Variants in RORB observed in about 807,000 individuals in gnomAD.
RORB encodes nuclear receptor ROR-beta.
In RORB, 6 loss-of-function variants were observed where a neutral mutation model predicts 59.1. That is an observed-to-expected ratio of 0.10 (90% CI 0.06 to 0.20). The LOEUF is 0.20. Among genes scored for constraint, RORB ranks in the 10% least tolerant of loss-of-function variants. The pLI, the probability that RORB is intolerant of heterozygous loss-of-function variation, is 1.00. For missense variants in RORB, 320 were observed against 560.5 expected (o/e 0.57, Z 4.33); for synonymous variants, 215 against 204.5 (o/e 1.05, Z -0.44).
intron 1 of RORB, among the ~76,000 whole-genome samples, chr9:74,554,573 AC>A (rs1008717038): frequency 1.0e-5 from 1 of 98,366 alleles, no homozygotes; most frequent in Admixed American, 1.0e-4. Context: ...AATTTGAATA[AC>A]TTAAAAAAAA....
chr9:74,511,239 G>A lies in RORB; in HGVS notation c.7+13256G>A, dbSNP rs140838870. On this transcript the variant is annotated intron_variant, in intron 1 of 9. Transcript: ENST00000376896. ...CTTAATCATTTATTTTAGGTACTGG[G>A]GATAAAATGGTAAGCAAAAAAGACA... Among the ~76,000 whole-genome samples the A allele has an allele frequency of 7.3e-4, 111 of 151,686 alleles. 1 individual carries two copies. The highest frequency in any genetic ancestry group is 3.6e-3 in the Admixed American group (55 of 15,220).
chr9:74,667,596 G>T (rs1824287272), intron 7 of RORB, among the ~76,000 whole-genome samples, 195 bp from the exon 8 acceptor site: 1 of 152,110 alleles, frequency 6.6e-6, no homozygotes, highest in South Asian at 2.1e-4. Flanking sequence ...GGATTGCCTG[G>T]CCAAGATGTT....
intron 9 of RORB, among the ~76,000 whole-genome samples, chr9:74,675,328 T>C (rs1009903429): frequency 7.3e-5 from 11 of 150,054 alleles, no homozygotes; most frequent in Non-Finnish European, 1.5e-4. Context: ...CATATATATA[T>C]ATATAAAATA....
At chr9:74,602,994 A>T (rs1303202951) in intron 1 of RORB, among the ~76,000 whole-genome samples, 2 of 152,186 alleles carry the variant, frequency 1.3e-5, no homozygotes, top group African/African-American at 2.4e-5. Context: ...GGCATTTAGT[A>T]TGCATTTGGT....
intron 1 of RORB, among the ~76,000 whole-genome samples, chr9:74,620,018 C>T (rs960064167): frequency 6.6e-6 from 1 of 152,132 alleles, no homozygotes; most frequent in Non-Finnish European, 1.5e-5. Flanking sequence ...TTTGCTGTGT[C>T]TCTGCCAGGC....
At chr9:74,685,042 A>G (rs527835290) in intron 9 of RORB, among the ~76,000 whole-genome samples, 1 of 152,308 alleles carries the variant, frequency 6.6e-6, no homozygotes, top group East Asian at 1.9e-4. Flanking sequence ...CAACAACCCA[A>G]TGAAGTAGGT....
intron 1 of RORB, chr9:74,615,539 T>G: frequency 2.3e-6 from 1 of 441,012 alleles, no homozygotes; most frequent in South Asian, 1.6e-5. Context: ...GGGGCAGTCT[T>G]CAGACCTCCC....
chr9:74,549,886 G>C (rs1344163692), intron 1 of RORB, among the ~76,000 whole-genome samples: 3 of 151,890 alleles, frequency 2.0e-5, no homozygotes, highest in African/African-American at 7.3e-5. Context: ...GTGCCACTAC[G>C]CCCGGCTAAT....
intron 1 of RORB, among the ~76,000 whole-genome samples, chr9:74,556,818 G>A (rs530946085): frequency 1.3e-5 from 2 of 152,028 alleles, no homozygotes; most frequent in Non-Finnish European, 2.9e-5. Flanking sequence ...GAGCTGAATG[G>A]GGCCATAGAA....
intron 1 of RORB, among the ~76,000 whole-genome samples, chr9:74,595,213 C>T (rs1047588694): frequency 6.6e-5 from 10 of 152,282 alleles, no homozygotes; most frequent in African/African-American, 2.2e-4. Context: ...TGATGATCAT[C>T]CTGTCAATGG....
rs1047538724 is a variant in RORB, at chr9:74,675,983, G to A, written c.1224+4082G>A. Among the ~76,000 whole-genome samples the A allele has an allele frequency of 1.3e-5, 2 of 152,200 alleles. 1 individual carries two copies. Among genetic ancestry groups the A allele is most frequent in the South Asian group, 4.1e-4 (2 of 4,828 alleles). On this transcript the variant is annotated intron_variant, in intron 9 of 9. Transcript: ENST00000376896. ...GGGCTTTCTCTATTAAAGTCACTGA[G>A]TCTGCCATTCTTGTTGCCCTGACCA...
At chr9:74,511,541 T>C (rs1210933866) in intron 1 of RORB, among the ~76,000 whole-genome samples, 1 of 150,942 alleles carries the variant, frequency 6.6e-6, no homozygotes, top group Non-Finnish European at 1.5e-5. Context: ...TCCTGGCACA[T>C]AAGGCGGCTA....
intron 3 of RORB, among the ~76,000 whole-genome samples, chr9:74,637,199 TAA>T (rs1823718307): frequency 6.6e-6 from 1 of 152,188 alleles, no homozygotes; most frequent in African/African-American, 2.4e-5. Context: ...CCCTCAGAGA[TAA>T]AGTGGCATCT....
At chr9:74,532,828 G>GTA (rs1242569052) in intron 1 of RORB, among the ~76,000 whole-genome samples, 6 of 134,746 alleles carry the variant, frequency 4.5e-5, no homozygotes, top group Non-Finnish European at 6.7e-5. Flanking sequence ...ATATATATGT[G>GTA]TATATATATA....
chr9:74,501,714 A>G (rs1408969738), intron 1 of RORB, among the ~76,000 whole-genome samples: 2 of 152,062 alleles, frequency 1.3e-5, no homozygotes, highest in African/African-American at 4.8e-5. Flanking sequence ...CCCCAGCATC[A>G]TGGGTGAGTT....
chr9:74,614,909 A>G (rs937972587), intron 1 of RORB, among the ~76,000 whole-genome samples: 6 of 152,098 alleles, frequency 3.9e-5, no homozygotes, highest in African/African-American at 1.2e-4. Context: ...ACCAGGGCAC[A>G]CTGGGGAAAT....
At chr9:74,643,241 G>A (rs1455412185) in intron 4 of RORB, among the ~76,000 whole-genome samples, 3 of 152,098 alleles carry the variant, frequency 2.0e-5, no homozygotes, top group Admixed American at 6.5e-5. Context: ...AGATAAATGG[G>A]GACAAACTTT....
intron 3 of RORB, among the ~76,000 whole-genome samples, chr9:74,637,200 A>C (rs550249078): frequency 6.6e-6 from 1 of 152,322 alleles, no homozygotes; most frequent in East Asian, 1.9e-4. Context: ...CCTCAGAGAT[A>C]AAGTGGCATC....
chr9:74,504,474 T>C (rs1050138706), intron 1 of RORB, among the ~76,000 whole-genome samples: 13 of 152,068 alleles, frequency 8.5e-5, no homozygotes, highest in African/African-American at 2.9e-4. Flanking sequence ...AAAATCTTAC[T>C]CAAAAATATG....
Sources: gnomAD v4.1 joint callset for allele counts (sites outside exome capture counted in the v4.1 genomes callset) on GRCh38, gnomAD v4.1.1 for gene constraint, MANE v1.5 for transcripts, NCBI Gene and HGNC (gene_info 2026-07-23, HGNC 2026-07-21) for gene names.